Variants in PIK3R3 observed in about 807,000 individuals in gnomAD.
The protein encoded by PIK3R3 is phosphoinositide-3-kinase regulatory subunit 3, also known as phosphatidylinositol 3-kinase regulatory subunit gamma.
A neutral mutation model predicts 62.9 loss-of-function variants in PIK3R3; 64 were observed. The ratio of observed to expected loss-of-function variants is 1.02; its 90% confidence interval spans 0.83 to 1.25. PIK3R3 has a LOEUF of 1.25. Ranked by LOEUF, PIK3R3 falls within the 50% of genes most tolerant of loss-of-function variation. The pLI, the probability that PIK3R3 is intolerant of heterozygous loss-of-function variation, is 0.00. For missense variants in PIK3R3, 614 were observed against 561.6 expected, an observed-to-expected ratio of 1.09 and a Z score of -0.94; for synonymous variants, 165 against 189.0, an observed-to-expected ratio of 0.87 and a Z score of 1.04.
rs1655668686 is a variant in PIK3R3, at chr1:46,132,131, A to G, written c.-179T>C. The G allele has an allele frequency of 2.2e-6, 3 of 1,386,878 alleles. No homozygotes were observed. Among genetic ancestry groups the G allele is most frequent in the South Asian group, 1.6e-5 (1 of 63,418 alleles). 85.9% of individuals were successfully genotyped at this position (1,386,878 alleles called of 1,614,324 possible). A position where few individuals can be genotyped will look rare whatever the true frequency, so the allele number is the denominator to read the frequency against. ...GAACAGGGTCCTCCCCCTCTCTCCTACAGAACACAACAAAATGCCCCCGAA... is the reference window on the plus strand; with the variant it reads ...GAACAGGGTCCTCCCCCTCTCTCCTGCAGAACACAACAAAATGCCCCCGAA... On this transcript the variant is annotated 5_prime_UTR_variant, in exon 1 of 10. Coordinates refer to ENST00000262741, the MANE Select transcript of PIK3R3 (RefSeq NM_003629.4).
At chr1:46,072,930 C>A (rs564804118) in intron 3 of PIK3R3, among the ~76,000 whole-genome samples, 1 of 148,056 alleles carries the variant, frequency 6.8e-6, no homozygotes, top group South Asian at 2.2e-4. Flanking sequence ...CAGAGAGAGA[C>A]CCTGTCTCAA....
chr1:46,052,578 C>T (rs563365364), intron 7 of PIK3R3, among the ~76,000 whole-genome samples: 3 of 152,092 alleles, frequency 2.0e-5, no homozygotes, highest in African/African-American at 7.2e-5. Context: ...TATCAAGATT[C>T]GAACATTTCT....
chr1:46,126,758 A>T (rs1379430607), intron 1 of PIK3R3, among the ~76,000 whole-genome samples: 1 of 151,826 alleles, frequency 6.6e-6, no homozygotes, highest in Non-Finnish European at 1.5e-5. Flanking sequence ...GCAACAAAGC[A>T]AGACCCTGTC....
At chr1:46,077,674 G>T in intron 2 of PIK3R3, 61 bp from the exon 3 acceptor site, 1 of 1,006,290 alleles carries the variant, frequency 9.9e-7, no homozygotes, top group Non-Finnish European at 1.6e-6. Flanking sequence ...TCGGCAGTAG[G>T]TGTGCCTTCT....
chr1:46,149,877 G>T, the PIK3R3 span, among the ~76,000 whole-genome samples: 1 of 152,136 alleles, frequency 6.6e-6, no homozygotes, highest in Admixed American at 6.6e-5. Context: ...CAGGAAATCC[G>T]TGTAAACTCA....
chr1:46,097,122 A>T (rs1324138256), intron 1 of PIK3R3, among the ~76,000 whole-genome samples: 1 of 152,208 alleles, frequency 6.6e-6, no homozygotes, highest in Non-Finnish European at 1.5e-5. Context: ...ACCAAGCGAG[A>T]TTTGCTTCCA....
intron 1 of PIK3R3, among the ~76,000 whole-genome samples, chr1:46,127,220 C>T (rs914133524): frequency 6.6e-6 from 1 of 151,636 alleles, no homozygotes; most frequent in Non-Finnish European, 1.5e-5. Flanking sequence ...CAAGCACCTA[C>T]AGTCCCATCT....
At chr1:46,061,109 C>T (rs567552182) in intron 6 of PIK3R3, among the ~76,000 whole-genome samples, 7 of 152,238 alleles carry the variant, frequency 4.6e-5, no homozygotes, top group Non-Finnish European at 1.0e-4. Flanking sequence ...AATCAGCTGC[C>T]TGCCCCCTAG....
rs1557546034 is a variant in PIK3R3 at position 46,044,120 on chromosome 1, A to C, written c.1188-249T>G. ...AGACAGGGTCTCGCTCTATCACGAA[A>C]GCTAGGGTACAGTGGCTTGATTACA... is the stretch of plus-strand genomic sequence containing the variant. On this transcript the variant is annotated intron_variant, in intron 9 of 9. Transcript: ENST00000262741. The surrounding 1 kb of genome is among the most constrained non-coding windows in gnomAD (Gnocchi z 4.2). Among the ~76,000 whole-genome samples the C allele has an allele frequency of 6.6e-6, 1 of 151,708 alleles. No homozygotes were observed. The highest frequency in any genetic ancestry group is 1.9e-4 in the East Asian group (1 of 5,178).
upstream of PIK3R3, among the ~76,000 whole-genome samples, chr1:46,133,704 T>C (rs972693534): frequency 6.6e-6 from 1 of 152,090 alleles, no homozygotes; most frequent in African/African-American, 2.4e-5. Flanking sequence ...ATTTCGCAGT[T>C]CCTCTGTGCT....
intron 3 of PIK3R3, among the ~76,000 whole-genome samples, chr1:46,070,341 A>G (rs960878358): frequency 1.3e-5 from 2 of 152,246 alleles, no homozygotes; most frequent in Non-Finnish European, 2.9e-5. Context: ...AAAGCGGCAG[A>G]CTATTCACAT....
intron 3 of PIK3R3, among the ~76,000 whole-genome samples, 186 bp from the exon 4 acceptor site, chr1:46,067,277 T>TATAA (rs368368491): frequency 4.3e-4 from 63 of 147,336 alleles, no homozygotes; most frequent in African/African-American, 9.6e-4. Flanking sequence ...TATATATATA[T>TATAA]AATTCATTTT....
intron 6 of PIK3R3, among the ~76,000 whole-genome samples, chr1:46,057,767 G>A (rs1048676767): frequency 6.6e-6 from 1 of 152,138 alleles, no homozygotes; most frequent in Non-Finnish European, 1.5e-5. Context: ...AGGTGACGTG[G>A]GTGCTCTTAA....
At chr1:46,136,365 G>C (rs1339077418), upstream of PIK3R3, among the ~76,000 whole-genome samples, 1 of 152,156 alleles carries the variant, frequency 6.6e-6, no homozygotes, top group Non-Finnish European at 1.5e-5. Flanking sequence ...AATGTACAAA[G>C]AACCATGTTA....
At chr1:46,061,657 A>AAATTGGTCTCCGG (rs1553146309) in intron 6 of PIK3R3, among the ~76,000 whole-genome samples, 1 of 152,192 alleles carries the variant, frequency 6.6e-6, no homozygotes, top group Non-Finnish European at 1.5e-5. Context: ...TACAGCCCCT[A>AAATTGGTCTCCGG]AATTGGTCTC....
intron 6 of PIK3R3, among the ~76,000 whole-genome samples, chr1:46,059,862 G>A (rs376488000): frequency 1.1e-4 from 17 of 152,262 alleles, no homozygotes; most frequent in African/African-American, 4.1e-4. Flanking sequence ...CACTTTGGGA[G>A]GCCAAGGCGG....
chr1:46,169,131 A>T, the PIK3R3 span, among the ~76,000 whole-genome samples: 1 of 152,130 alleles, frequency 6.6e-6, no homozygotes, highest in Non-Finnish European at 1.5e-5. Flanking sequence ...TCATCCATGG[A>T]CTTACATTTT....
chr1:46,047,404 CTCCAGTG>C (rs927496612), intron 7 of PIK3R3, among the ~76,000 whole-genome samples: 127 of 144,868 alleles, frequency 8.8e-4, no homozygotes, highest in African/African-American at 3.2e-3. Context: ...TACCACTGCC[CTCCAGTG>C]TGGGCGACAG....
the PIK3R3 span, among the ~76,000 whole-genome samples, chr1:46,138,534 C>G: frequency 2.6e-5 from 4 of 152,150 alleles, no homozygotes; most frequent in East Asian, 7.7e-4. Flanking sequence ...GTGGTGTGCT[C>G]CTGTAGTCCC....
Sources: allele counts gnomAD v4.1 joint callset (sites outside exome capture counted in the v4.1 genomes callset), GRCh38; gene constraint gnomAD v4.1.1; non-coding constraint Gnocchi (gnomAD v3.1); transcripts MANE v1.5; gene names NCBI Gene and HGNC (gene_info 2026-07-23, HGNC 2026-07-21).